Variants in KIAA1549L observed in about 807,000 individuals in gnomAD.
The protein encoded by KIAA1549L is UPF0606 protein KIAA1549L.
KIAA1549L carries 88 observed loss-of-function variants against 160.7 expected under a neutral mutation model. That is an observed-to-expected ratio of 0.55 (90% CI 0.46 to 0.65). KIAA1549L has a LOEUF of 0.65. KIAA1549L is among the 30% of genes least tolerant of loss of function. The probability of loss-of-function intolerance (pLI) is 0.00; values close to 1 mark genes in which losing one functional copy is unlikely to be tolerated. For synonymous variants in KIAA1549L, 950 were observed against 976.7 expected (o/e 0.97, Z 0.51); for missense variants, 2,258 against 2,437.5 (o/e 0.93, Z 1.55).
chr11:33,558,839 C>CTTTTT (rs567011766), intron 6 of KIAA1549L, among the ~76,000 whole-genome samples: 1 of 140,598 alleles, frequency 7.1e-6, no homozygotes. Flanking sequence ...TTTTTCTTTT[C>CTTTTT]TTTTTTTTTT....
At chr11:33,441,488 A>G (rs1851505161) in intron 1 of KIAA1549L, among the ~76,000 whole-genome samples, 1 of 97,896 alleles carries the variant, frequency 1.0e-5, no homozygotes, top group Non-Finnish European at 2.2e-5. Flanking sequence ...TCCCTGAGGA[A>G]TCGCCACACG....
chr11:33,556,797 G>T (rs972730160), intron 6 of KIAA1549L, among the ~76,000 whole-genome samples: 1 of 152,140 alleles, frequency 6.6e-6, no homozygotes, highest in Admixed American at 6.5e-5. Context: ...ATGGATGGTG[G>T]TGATGGTTGT....
At chr11:33,646,856 G>A (rs1851737332) in intron 17 of KIAA1549L, among the ~76,000 whole-genome samples, 1 of 151,970 alleles carries the variant, frequency 6.6e-6, no homozygotes, top group South Asian at 2.1e-4. Flanking sequence ...ACTATGGCAT[G>A]GGTATTCCCA....
At chr11:33,593,564 G>A (rs1850119631) in intron 12 of KIAA1549L, among the ~76,000 whole-genome samples, 1 of 152,222 alleles carries the variant, frequency 6.6e-6, no homozygotes, top group Non-Finnish European at 1.5e-5. Flanking sequence ...ACCTAGGTGA[G>A]AGACGATCGT....
chr11:33,605,969 G>T (rs189800433), intron 13 of KIAA1549L, among the ~76,000 whole-genome samples: 42 of 152,344 alleles, frequency 2.8e-4, no homozygotes, highest in African/African-American at 9.9e-4. Flanking sequence ...CAGAAGGGAG[G>T]ATTAATTTAA....
chr11:33,443,018 A>G (rs1851540379), intron 1 of KIAA1549L, among the ~76,000 whole-genome samples: 2 of 152,134 alleles, frequency 1.3e-5, no homozygotes, highest in African/African-American at 4.8e-5. Context: ...GCTTTTCAAA[A>G]TGATTTGCTT....
rs187841713 is a variant in KIAA1549L, at chr11:33,528,236, T to A, written c.239-13566T>A. ...ACAAACTATGAAAAAATGCTCAAGA[T>A]CACTAATTATCAGAGAATGCACATC... On this transcript the variant is annotated intron_variant, in intron 1 of 20. Coordinates refer to ENST00000658780, the MANE Select transcript of KIAA1549L (RefSeq NM_012194.3). 2.4e-3 allele frequency among the ~76,000 whole-genome samples: 366 copies of A among 152,224 alleles called. 1 individual carries two copies. Among genetic ancestry groups the A allele is most frequent in the Non-Finnish European group, 4.1e-3 (282 of 67,996 alleles).
chr11:33,442,871 C>G (rs1174243766), intron 1 of KIAA1549L, among the ~76,000 whole-genome samples: 3 of 152,136 alleles, frequency 2.0e-5, no homozygotes, highest in East Asian at 3.8e-4. Flanking sequence ...ACTTTTGTCT[C>G]TCTGTGCTGC....
At chr11:33,464,546 G>A (rs546044139) in intron 1 of KIAA1549L, among the ~76,000 whole-genome samples, 2 of 149,274 alleles carry the variant, frequency 1.3e-5, no homozygotes, top group East Asian at 2.0e-4. Context: ...ACACGCATTT[G>A]TACAAGCTAG....
intron 17 of KIAA1549L, among the ~76,000 whole-genome samples, chr11:33,650,769 C>T (rs377506951): frequency 3.9e-5 from 6 of 152,188 alleles, no homozygotes; most frequent in African/African-American, 7.2e-5. Flanking sequence ...TGCCCCTCTC[C>T]GGTGGCTTCT....
intron 1 of KIAA1549L, among the ~76,000 whole-genome samples, chr11:33,496,169 G>T (rs977202289): frequency 1.3e-5 from 2 of 152,052 alleles, no homozygotes; most frequent in Non-Finnish European, 2.9e-5. Flanking sequence ...TTGCCATGTT[G>T]GGCAGGCTGG....
intron 1 of KIAA1549L, among the ~76,000 whole-genome samples, chr11:33,533,944 A>G (rs1590317859): frequency 6.6e-6 from 1 of 152,196 alleles, no homozygotes; most frequent in East Asian, 1.9e-4. Flanking sequence ...CTTGTGGGAA[A>G]TACTGTCGGT....
At chr11:33,538,594 C>CCTATATATATATATAAATTTTAAAAAA (rs2133165307) in intron 1 of KIAA1549L, among the ~76,000 whole-genome samples, 1 of 152,246 alleles carries the variant, frequency 6.6e-6, no homozygotes, top group African/African-American at 2.4e-5. Context: ...TTTAAAAATT[C>CCTATATATATATATAAATTTTAAAAAA]AACCTATAAT....
intron 1 of KIAA1549L, among the ~76,000 whole-genome samples, chr11:33,536,186 A>C (rs1239413550): frequency 6.6e-6 from 1 of 152,246 alleles, no homozygotes; most frequent in Non-Finnish European, 1.5e-5. Flanking sequence ...ATTACAGTAC[A>C]ACAAGCCACC....
chr11:33,669,176 T>A lies in KIAA1549L; in HGVS notation c.*1022T>A, dbSNP rs1852589846. ...CTTCCCAGGCCGCAGCCTCTGTTTA[T>A]AGAAGCTTCTGAATGTAGAAAAGCT... On this transcript the variant is annotated 3_prime_UTR_variant, in exon 21 of 21. Transcript: ENST00000658780. The A allele has an allele frequency of 6.6e-6, 1 of 152,240 alleles. No homozygotes were observed. Among genetic ancestry groups the A allele is most frequent in the African/African-American group, 2.4e-5 (1 of 41,452 alleles). The allele number at this position is 152,240 out of a possible 1,614,324, so 9.4% of individuals were successfully genotyped here.
At chr11:33,581,115 C>T (rs576470570) in intron 10 of KIAA1549L, among the ~76,000 whole-genome samples, 45 of 152,140 alleles carry the variant, frequency 3.0e-4, no homozygotes, top group Non-Finnish European at 5.3e-4. Flanking sequence ...GTCACTAGGG[C>T]CTCACGGGCT....
At chr11:33,644,739 G>A (rs192371207) in intron 16 of KIAA1549L, among the ~76,000 whole-genome samples, 111 of 152,340 alleles carry the variant, frequency 7.3e-4, no homozygotes, top group East Asian at 3.5e-3. Context: ...TCTAGCTATT[G>A]CTGTGGCATC....
At position 33,672,467 on chromosome 11, in the gene KIAA1549L, T is replaced by C. The variant is rs1323798213; in HGVS notation, c.*4313T>C. On this transcript the variant is annotated 3_prime_UTR_variant, in exon 21 of 21. Coordinates refer to ENST00000658780, the MANE Select transcript of KIAA1549L (RefSeq NM_012194.3). ...GAGGCAGGGCCGTGTCATTTAAGCATGGCCCCATGGACTGACCCTTTCAGC... is the reference window on the plus strand; with the variant it reads ...GAGGCAGGGCCGTGTCATTTAAGCACGGCCCCATGGACTGACCCTTTCAGC... The C allele has an allele frequency of 6.5e-6, 1 of 152,932 alleles. No individual in the cohort carries two copies. Among genetic ancestry groups the C allele is most frequent in the East Asian group, 1.9e-4 (1 of 5,198 alleles). The allele number at this position is 152,932 out of a possible 1,614,324, so 9.5% of individuals were successfully genotyped here.
chr11:33,665,611 A>C (rs1057489468), intron 20 of KIAA1549L: 14 of 150,228 alleles, frequency 9.3e-5, no homozygotes, highest in African/African-American at 3.4e-4. Context: ...GGTGGGACAG[A>C]AGAGGTACCA....
Sources: gnomAD v4.1 joint callset for allele counts (sites outside exome capture counted in the v4.1 genomes callset) on GRCh38, gnomAD v4.1.1 for gene constraint, MANE v1.5 for transcripts, NCBI Gene and HGNC (gene_info 2026-07-23, HGNC 2026-07-21) for gene names.